KDM3B: variants seen among roughly 807,000 people sequenced by gnomAD.
The protein encoded by KDM3B is lysine demethylase 3B, also known as lysine-specific demethylase 3B.
Under a neutral mutation model 170.0 loss-of-function variants are expected in KDM3B, and 10 were observed. The observed-to-expected ratio is 0.06, with a 90% CI of 0.04 to 0.10. The LOEUF (loss-of-function observed/expected upper bound fraction) is 0.10. KDM3B is among the 10% of genes least tolerant of loss of function. The probability of loss-of-function intolerance (pLI) is 1.00; values close to 1 mark genes in which losing one functional copy is unlikely to be tolerated. For missense variants in KDM3B, 1,394 were observed against 2,195.2 expected (o/e 0.64, Z 7.29); for synonymous variants, 831 against 834.8 (o/e 1.00, Z 0.08).
At position 138,391,984 on chromosome 5, in the gene KDM3B, A is replaced by C; in HGVS notation, c.2352A>C (p.Ser784=). The C allele has an allele frequency of 6.2e-7, 1 of 1,613,580 alleles. No homozygotes were observed. Among genetic ancestry groups the C allele is most frequent in the East Asian group, 2.2e-5 (1 of 44,854 alleles). Residue 784 remains serine (S), a synonymous_variant, in exon 8 of 24, where the codon TCA becomes TCC. Transcript: ENST00000314358. The surrounding 1 kb of genome is among the most constrained non-coding windows in gnomAD (Gnocchi z 5.0). Reference sequence around the variant, plus strand: ...TTCTGTCCTCCCCGGCAGATTTTTCACAGGAGAACAAAGCTCCTTTTGAAG... The same window carrying C: ...TTCTGTCCTCCCCGGCAGATTTTTCCCAGGAGAACAAAGCTCCTTTTGAAG... ...GGFLSSPADF[S]QENKAPFEAV...
Position 138,379,632 on chromosome 5 carries a change from G to A in KDM3B, c.629G>A (p.Gly210Glu). The A allele has an allele frequency of 1.1e-5, 17 of 1,613,612 alleles. No homozygotes were observed. The highest frequency in any genetic ancestry group is 1.4e-5 in the Non-Finnish European group (17 of 1,179,706). Residue 210 changes from glycine to glutamate, a missense_variant, in exon 5 of 24, where the codon GGG (glycine) becomes GAG (glutamate). This residue lies in a region of KDM3B where 166 missense variants were observed against 216.4 expected (regional missense o/e 0.77). Transcript: ENST00000314358. The part of the protein sequence containing the change: ...GHRVKIYQPE[G>E]EEGWLYGVVS... Reference sequence around the variant, plus strand: ...AGGGTCAAAATATATCAGCCAGAGGGGGAAGAAGGGTGGCTCTATGGTGTT... The same window carrying A: ...AGGGTCAAAATATATCAGCCAGAGGAGGAAGAAGGGTGGCTCTATGGTGTT...
intron 11 of KDM3B, among the ~76,000 whole-genome samples, chr5:138,407,175 G>A (rs556786112): frequency 3.3e-5 from 5 of 151,744 alleles, no homozygotes; most frequent in African/African-American, 9.7e-5. Context: ...TAGTAGAGAC[G>A]GGGTTTTGGC....
chr5:138,364,119 C>T (rs750178918), intron 1 of KDM3B, among the ~76,000 whole-genome samples: 9 of 151,852 alleles, frequency 5.9e-5, no homozygotes, highest in Non-Finnish European at 8.8e-5. Flanking sequence ...TGTTTTGCCA[C>T]GTTGACCAGG....
chr5:138,371,985 T>C lies in KDM3B; in HGVS notation c.193-689T>C, dbSNP rs1027012084. Among the ~76,000 whole-genome samples the C allele has an allele frequency of 2.6e-5, 4 of 152,008 alleles. No homozygotes were observed. The East Asian group carries it at 7.7e-4, about 29-fold the overall frequency. The stretch of plus-strand genomic sequence containing the variant: ...AAAATAAGCCGGGCATGGTGGCACA[T>C]GCTAGTAGTTCCAGCTACTTGGGAG... On this transcript the variant is annotated intron_variant, in intron 1 of 23. Coordinates refer to ENST00000314358, the MANE Select transcript of KDM3B (RefSeq NM_016604.4).
At chr5:138,414,330 T>C (rs1763049183) in intron 11 of KDM3B, among the ~76,000 whole-genome samples, 1 of 152,118 alleles carries the variant, frequency 6.6e-6, no homozygotes, top group African/African-American at 2.4e-5. Flanking sequence ...CACACCTGGC[T>C]AATTTTTTGT....
intron 4 of KDM3B, among the ~76,000 whole-genome samples, chr5:138,378,823 A>G (rs948478539): frequency 6.7e-6 from 1 of 149,566 alleles, no homozygotes; most frequent in Non-Finnish European, 1.5e-5. Context: ...ATAGATATAT[A>G]TAGATATAAT....
At chr5:138,377,606 A>T (rs1762029970) in intron 3 of KDM3B, 114 bp from the exon 4 acceptor site, 1 of 704,748 alleles carries the variant, frequency 1.4e-6, no homozygotes, top group African/African-American at 1.8e-5. Flanking sequence ...GGTTCTATAG[A>T]TATTGTTTGG....
intron 19 of KDM3B, among the ~76,000 whole-genome samples, chr5:138,427,541 AG>A (rs890684413): frequency 1.3e-5 from 2 of 152,172 alleles, no homozygotes; most frequent in African/African-American, 2.4e-5. Context: ...TCCAGTAGTG[AG>A]GAAGTTTCCT....
intron 9 of KDM3B, among the ~76,000 whole-genome samples, chr5:138,395,712 G>A (rs1219617933): frequency 6.6e-6 from 1 of 152,094 alleles, no homozygotes; most frequent in African/African-American, 2.4e-5. Context: ...CATCTCCTGG[G>A]TTCAAGCGAT....
chr5:138,419,171 C>A lies in KDM3B; in HGVS notation c.3654C>A (p.Pro1218=). Residue 1218 remains proline (P), a synonymous_variant, in exon 14 of 24, where the codon CCC becomes CCA. Coordinates refer to ENST00000314358, the MANE Select transcript of KDM3B (RefSeq NM_016604.4). ...IRPPCPDTAP[P]SSALHWLADL... ...CTCCTTGCCCTGACACGGCCCCACC[C>A]TCCTCCGCCCTGCACTGGTTGGCAG... The A allele has an allele frequency of 6.2e-7, 1 of 1,614,200 alleles. No homozygotes were observed. The highest frequency in any genetic ancestry group is 8.5e-7 in the Non-Finnish European group (1 of 1,180,038).
intron 1 of KDM3B, among the ~76,000 whole-genome samples, chr5:138,370,787 C>G (rs1761853496): frequency 6.6e-6 from 1 of 151,610 alleles, no homozygotes; most frequent in African/African-American, 2.4e-5. Flanking sequence ...TTAGTGTTGC[C>G]TTAAGAAGTT....
intron 1 of KDM3B, among the ~76,000 whole-genome samples, chr5:138,366,814 C>T (rs1039957823): frequency 2.6e-5 from 4 of 152,136 alleles, no homozygotes; most frequent in African/African-American, 4.8e-5. Flanking sequence ...AGAGTGCACA[C>T]GCTGCCTAAA....
At chr5:138,400,730 C>A (rs1762662056) in intron 11 of KDM3B, among the ~76,000 whole-genome samples, 1 of 141,938 alleles carries the variant, frequency 7.0e-6, no homozygotes, top group Non-Finnish European at 1.5e-5. Context: ...GCCTGGACAA[C>A]AGAGTGAGAC....
intron 1 of KDM3B, among the ~76,000 whole-genome samples, chr5:138,358,930 C>T (rs1427662090): frequency 2.7e-5 from 4 of 149,610 alleles, no homozygotes; most frequent in African/African-American, 4.9e-5. Context: ...TCTCCTAAAG[C>T]TATCCCTCCC....
chr5:138,353,117 C>T lies in KDM3B; in HGVS notation c.192+130C>T, dbSNP rs563501195. On this transcript the variant is annotated intron_variant, in intron 1 of 23. Transcript: ENST00000314358. ...TCCGTGCCCCCGGGTCTCCTTAGCG[C>T]CCCCCGCCGGCACCTCCGCACCCCG... is the stretch of plus-strand genomic sequence containing the variant. 38 of 780,426 alleles carry T rather than the reference C, an allele frequency of 4.9e-5. No individual in the cohort carries two copies. In the East Asian group the frequency reaches 1.2e-3, roughly 26 times the overall value. The allele number at this position is 780,426 out of a possible 1,614,324, so 48.3% of individuals were successfully genotyped here.
At chr5:138,413,722 C>T (rs1182219502) in intron 11 of KDM3B, among the ~76,000 whole-genome samples, 3 of 151,986 alleles carry the variant, frequency 2.0e-5, no homozygotes, top group African/African-American at 7.3e-5. Context: ...CAGCCTCCGC[C>T]TCCCAGGCTC....
intron 9 of KDM3B, among the ~76,000 whole-genome samples, chr5:138,396,159 A>C (rs1416471054): frequency 6.6e-6 from 1 of 151,232 alleles, no homozygotes. Context: ...GCAGTGGCGC[A>C]ATCTTGGCTC....
At chr5:138,417,639 G>A (rs1763137679) in intron 13 of KDM3B, 29 bp downstream of exon 13, 3 of 1,601,910 alleles carry the variant, frequency 1.9e-6, no homozygotes, top group Non-Finnish European at 2.6e-6. Context: ...GTATAACTAA[G>A]TGAAGCCTAA....
rs1763131551 is a variant in KDM3B, at chr5:138,417,364, A to G, written c.3308-119A>G. ...GATCATCAAAAATTGAAGTAAAAGC[A>G]GCTACGTTATTGAAATGTGGTAAGG... On this transcript the variant is annotated intron_variant, in intron 12 of 23. Coordinates refer to ENST00000314358, the MANE Select transcript of KDM3B (RefSeq NM_016604.4). The G allele has an allele frequency of 3.1e-6, 3 of 977,432 alleles. No homozygotes were observed. The Admixed American group carries it at 8.0e-5, about 26-fold the overall frequency. The allele number at this position is 977,432 out of a possible 1,614,324, so 60.5% of individuals were successfully genotyped here. A position where few individuals can be genotyped will look rare whatever the true frequency, so the allele number is the denominator to read the frequency against.
Sources: allele counts gnomAD v4.1 joint callset (sites outside exome capture counted in the v4.1 genomes callset), GRCh38; gene constraint gnomAD v4.1.1; regional missense constraint gnomAD v4.1.1; non-coding constraint Gnocchi (gnomAD v3.1); transcripts MANE v1.5; gene names NCBI Gene and HGNC (gene_info 2026-07-23, HGNC 2026-07-21).